Variants in GFRA1 observed in about 807,000 individuals in gnomAD.
GFRA1 encodes GDNF family receptor alpha-1.
A neutral mutation model predicts 51.6 loss-of-function variants in GFRA1; 16 were observed. The observed-to-expected ratio is 0.31, with a 90% CI of 0.21 to 0.47. The LOEUF is 0.47. Among genes scored for constraint, GFRA1 ranks in the 20% least tolerant of loss-of-function variants. The pLI is 1.00. For synonymous variants in GFRA1, 270 were observed against 241.3 expected, an observed-to-expected ratio of 1.12 and a Z score of -1.10; for missense variants, 530 against 594.3, an observed-to-expected ratio of 0.89 and a Z score of 1.13.
intron 9 of GFRA1, among the ~76,000 whole-genome samples, chr10:116,087,662 T>TA (rs1956155724): frequency 6.6e-6 from 1 of 152,176 alleles, no homozygotes; most frequent in Non-Finnish European, 1.5e-5. Flanking sequence ...CACCTTATGA[T>TA]AATAGGATCC....
At chr10:116,166,190 G>A (rs1464787634) in intron 5 of GFRA1, among the ~76,000 whole-genome samples, 2 of 152,154 alleles carry the variant, frequency 1.3e-5, no homozygotes, top group African/African-American at 4.8e-5. Context: ...TCTTTATCCA[G>A]TCTATCTTTG....
In GFRA1 at chr10:116,075,243, A is replaced by G. The variant is rs561688680; in HGVS notation, c.1198-9617T>C. Among the ~76,000 whole-genome samples, 252 of 152,262 alleles carry G rather than the reference A, an allele frequency of 1.7e-3. 4 individuals are homozygous for G. The highest frequency in any genetic ancestry group is 5.8e-3 in the African/African-American group (240 of 41,556). On this transcript the variant is annotated intron_variant, in intron 9 of 10. Transcript: ENST00000355422. ...AAAAAAAAAGTGCTTAGGAGAAGACATCATAAATGAGTGATCAAACAATTG... is the reference window on the plus strand; with the variant it reads ...AAAAAAAAAGTGCTTAGGAGAAGACGTCATAAATGAGTGATCAAACAATTG...
intron 5 of GFRA1, among the ~76,000 whole-genome samples, chr10:116,181,469 CCT>C: frequency 6.6e-6 from 1 of 152,192 alleles, no homozygotes; most frequent in Non-Finnish European, 1.5e-5. Flanking sequence ...CATCTCAACA[CCT>C]GTCCTCATGC....
chr10:116,154,974 C>G (rs1959172309), intron 5 of GFRA1, among the ~76,000 whole-genome samples: 1 of 152,160 alleles, frequency 6.6e-6, no homozygotes, highest in Non-Finnish European at 1.5e-5. Context: ...GAAAATACAA[C>G]TGACTGCTTG....
chr10:116,163,631 T>C (rs930908636), intron 5 of GFRA1, among the ~76,000 whole-genome samples: 5 of 152,202 alleles, frequency 3.3e-5, no homozygotes, highest in East Asian at 3.9e-4. Flanking sequence ...TCCCCCAGCA[T>C]GGGGTGGCCT....
At chr10:116,200,587 G>C (rs956685553) in intron 5 of GFRA1, among the ~76,000 whole-genome samples, 2 of 152,220 alleles carry the variant, frequency 1.3e-5, no homozygotes, top group Non-Finnish European at 2.9e-5. Flanking sequence ...CACAGTTCTG[G>C]AGATTGGAAG....
intron 5 of GFRA1, among the ~76,000 whole-genome samples, chr10:116,195,790 A>G (rs1251519439): frequency 6.6e-6 from 1 of 152,232 alleles, no homozygotes; most frequent in Non-Finnish European, 1.5e-5. Context: ...AATTCAGCTC[A>G]GGCCCAAACT....
At chr10:116,092,834 G>T (rs1459762298) in intron 8 of GFRA1, among the ~76,000 whole-genome samples, 1 of 152,324 alleles carries the variant, frequency 6.6e-6, no homozygotes, top group East Asian at 1.9e-4. Flanking sequence ...ACACACAGAA[G>T]ATACCCAATA....
intron 6 of GFRA1, among the ~76,000 whole-genome samples, chr10:116,119,534 C>T (rs560359448): frequency 5.3e-5 from 8 of 152,192 alleles, no homozygotes; most frequent in South Asian, 2.1e-4. Flanking sequence ...AATGAATCAG[C>T]GTAAAATAAA....
intron 5 of GFRA1, among the ~76,000 whole-genome samples, chr10:116,200,329 G>T (rs1964228204): frequency 6.6e-6 from 1 of 152,118 alleles, no homozygotes; most frequent in Non-Finnish European, 1.5e-5. Flanking sequence ...TACTCATAAA[G>T]AATTCAGACG....
At chr10:116,227,699 A>G (rs1417349837) in intron 4 of GFRA1, among the ~76,000 whole-genome samples, 3 of 152,238 alleles carry the variant, frequency 2.0e-5, no homozygotes, top group Non-Finnish European at 2.9e-5. Flanking sequence ...CACAGACAAG[A>G]TATCTAAGAG....
chr10:116,112,295 C>T (rs1957242852), intron 6 of GFRA1, among the ~76,000 whole-genome samples: 1 of 152,178 alleles, frequency 6.6e-6, no homozygotes, highest in African/African-American at 2.4e-5. Context: ...GCTAACTCTC[C>T]AATAGGAATT....
At chr10:116,228,498 T>G (rs1341483046) in intron 4 of GFRA1, among the ~76,000 whole-genome samples, 1 of 152,176 alleles carries the variant, frequency 6.6e-6, no homozygotes, top group Non-Finnish European at 1.5e-5. Flanking sequence ...CAAATGAGAC[T>G]TTGCAGATAC....
At chr10:116,271,846 T>A in intron 2 of GFRA1, 144 bp downstream of exon 2, 1 of 738,520 alleles carries the variant, frequency 1.4e-6, no homozygotes, top group Non-Finnish European at 2.4e-6. Context: ...GGATTCGCGA[T>A]CCCATTCCCC....
At chr10:116,256,600 C>T (rs548009604) in intron 4 of GFRA1, among the ~76,000 whole-genome samples, 199 of 152,304 alleles carry the variant, frequency 1.3e-3, no homozygotes, top group African/African-American at 4.5e-3. Context: ...CCCTTCCTCC[C>T]CATCCTCTCC....
At chr10:116,135,413 C>T (rs1296285414) in intron 5 of GFRA1, among the ~76,000 whole-genome samples, 2 of 152,202 alleles carry the variant, frequency 1.3e-5, no homozygotes, top group Non-Finnish European at 2.9e-5. Context: ...CAAACAACTG[C>T]TTTATTACAG....
Position 116,272,432 on chromosome 10 carries a change from A to G in GFRA1, c.-246-157T>C. On this transcript the variant is annotated intron_variant, in intron 1 of 10. Coordinates refer to ENST00000355422, the MANE Select transcript of GFRA1 (RefSeq NM_005264.8). This position sits in a 1 kb window ranked among gnomAD's most constrained non-coding sequence, Gnocchi z 4.4. ...GTCGGGGTGCATGTGCGTGTTTTCC[A>G]GGGGCCGCTGACACGGGGATGGAGG... is the stretch of plus-strand genomic sequence containing the variant. 6.3e-6 allele frequency: 2 copies of G among 315,006 alleles called. No homozygotes were observed. The highest frequency in any genetic ancestry group is 6.1e-6 in the Non-Finnish European group (1 of 164,056). 19.5% of individuals were successfully genotyped at this position (315,006 alleles called of 1,614,324 possible).
chr10:116,187,861 C>T (rs1193986317), intron 5 of GFRA1, among the ~76,000 whole-genome samples: 1 of 152,016 alleles, frequency 6.6e-6, no homozygotes, highest in African/African-American at 2.4e-5. Context: ...ACCTCTGAGG[C>T]CCCCAGAGCA....
At chr10:116,264,881 G>A (rs140572350) in intron 4 of GFRA1, among the ~76,000 whole-genome samples, 44 of 152,284 alleles carry the variant, frequency 2.9e-4, no homozygotes, top group Non-Finnish European at 3.8e-4. Context: ...AGAGCTGAGT[G>A]CAAGAAAAGG....
Sources: gnomAD v4.1 joint callset for allele counts (sites outside exome capture counted in the v4.1 genomes callset) on GRCh38, gnomAD v4.1.1 for gene constraint, Gnocchi (gnomAD v3.1) non-coding constraint, MANE v1.5 for transcripts, NCBI Gene and HGNC (gene_info 2026-07-23, HGNC 2026-07-21) for gene names.